Variants in NSRP1 observed in about 807,000 individuals in gnomAD.
NSRP1 encodes nuclear speckle splicing regulatory protein 1, also known as coiled-coil domain containing 55.
A neutral mutation model predicts 54.7 loss-of-function variants in NSRP1; 24 were observed. The ratio of observed to expected loss-of-function variants is 0.44; its 90% CI spans 0.32 to 0.62. NSRP1 has a LOEUF of 0.62. Among genes scored for constraint, NSRP1 ranks in the 20% least tolerant of loss-of-function variants. The probability of loss-of-function intolerance (pLI) is 0.06; values close to 1 mark genes in which losing one functional copy is unlikely to be tolerated. For synonymous variants in NSRP1, 210 were observed against 213.8 expected, an observed-to-expected ratio of 0.98 and a Z score of 0.15; for missense variants, 596 against 651.2, an observed-to-expected ratio of 0.92 and a Z score of 0.92.
intron 3 of NSRP1, among the ~76,000 whole-genome samples, chr17:30,175,581 C>T (rs903300405): frequency 6.6e-6 from 1 of 151,966 alleles, no homozygotes; most frequent in Non-Finnish European, 1.5e-5. Flanking sequence ...TTCAGGTGTG[C>T]ATCACCACAC....
At chr17:30,136,664 CTG>C (rs1204048467) in intron 2 of NSRP1, among the ~76,000 whole-genome samples, 2 of 152,000 alleles carry the variant, frequency 1.3e-5, no homozygotes, top group Admixed American at 1.3e-4. Context: ...TATGAAGAAT[CTG>C]TGTTTTAGAA....
intron 2 of NSRP1, among the ~76,000 whole-genome samples, chr17:30,140,433 G>A (rs2151887194): frequency 6.7e-6 from 1 of 149,934 alleles, no homozygotes; most frequent in South Asian, 2.1e-4. Context: ...ACAGTTAACA[G>A]AAATTTTGTT....
At chr17:30,184,391 C>G (rs1242141233) in intron 6 of NSRP1, among the ~76,000 whole-genome samples, 1 of 152,194 alleles carries the variant, frequency 6.6e-6, no homozygotes, top group Non-Finnish European at 1.5e-5. Flanking sequence ...CTAATTTTCT[C>G]TTTTCACTTC....
At position 30,186,212 on chromosome 17, in the gene NSRP1, G is replaced by A. The variant is rs1905533278; in HGVS notation, c.*538G>A. 1 of 152,170 alleles carries A rather than the reference G, an allele frequency of 6.6e-6. No individual in the cohort carries two copies. The highest frequency in any genetic ancestry group is 6.5e-5 in the Admixed American group (1 of 15,278). The allele number at this position is 152,170 out of a possible 1,614,324, so 9.4% of individuals were successfully genotyped here. Reference sequence around the variant, plus strand: ...CCTAGGAATTTGATGTTACAGTGAGGTATGATCATGCCACTGCACTCCAAC... The same window carrying A: ...CCTAGGAATTTGATGTTACAGTGAGATATGATCATGCCACTGCACTCCAAC... On this transcript the variant is annotated 3_prime_UTR_variant, in exon 7 of 7. Transcript: ENST00000247026.
chr17:30,180,197 C>A (rs1192057643), intron 5 of NSRP1, among the ~76,000 whole-genome samples: 1 of 152,132 alleles, frequency 6.6e-6, no homozygotes, highest in African/African-American at 2.4e-5. Context: ...CGCTGTGTCG[C>A]CCAGGCTGGA....
At chr17:30,162,532 C>T (rs547569768) in intron 2 of NSRP1, among the ~76,000 whole-genome samples, 20 of 152,088 alleles carry the variant, frequency 1.3e-4, no homozygotes, top group African/African-American at 3.4e-4. Context: ...TAAAAAAGAA[C>T]AGGAAGTTCT....
chr17:30,139,240 G>A (rs944564495), intron 2 of NSRP1, among the ~76,000 whole-genome samples: 3 of 151,868 alleles, frequency 2.0e-5, no homozygotes, highest in Non-Finnish European at 4.4e-5. Flanking sequence ...TTTTAATCCG[G>A]GTTTTTGTTT....
chr17:30,150,333 C>G (rs1459419106), intron 2 of NSRP1: 1 of 151,848 alleles, frequency 6.6e-6, no homozygotes, highest in African/African-American at 2.4e-5. Context: ...CCTGCCTTGG[C>G]CTCCCAAAGT....
chr17:30,180,064 T>G (rs987305960), intron 5 of NSRP1, among the ~76,000 whole-genome samples: 1 of 152,170 alleles, frequency 6.6e-6, no homozygotes, highest in African/African-American at 2.4e-5. Flanking sequence ...CTCGAACTCC[T>G]GGGCTCAAGC....
chr17:30,163,190 TGTGTGTGTGTGTGTGTG>T (rs1904591693), intron 2 of NSRP1: 1 of 2,404 alleles, frequency 4.2e-4, no homozygotes, highest in Non-Finnish European at 1.1e-3. Context: ...CGGCTAATTT[TGTGTGTGTGTGTGTGTG>T]TGTGTGTGTG....
chr17:30,163,158 T>A (rs1409651022), intron 2 of NSRP1: 1 of 151,760 alleles, frequency 6.6e-6, no homozygotes, highest in Non-Finnish European at 1.5e-5. Flanking sequence ...GCGCTGGGAT[T>A]ACAGGCATGT....
intron 2 of NSRP1, among the ~76,000 whole-genome samples, chr17:30,125,386 T>C (rs1387538068): frequency 6.6e-6 from 1 of 152,344 alleles, no homozygotes; most frequent in African/African-American, 2.4e-5. Flanking sequence ...AGCCAATTTA[T>C]CTGTTCTTTT....
At chr17:30,144,246 T>G (rs2071831766) in intron 2 of NSRP1, 3 of 148,126 alleles carry the variant, frequency 2.0e-5, no homozygotes, top group Non-Finnish European at 1.5e-5. Flanking sequence ...GCATGTAAGA[T>G]TATTATTATT....
chr17:30,118,062 CA>C lies in NSRP1; in HGVS notation c.21-10del, dbSNP rs760510241. 1.9e-4 allele frequency: 297 copies of C among 1,583,550 alleles called. 1 individual carries two copies. The highest frequency in any genetic ancestry group is 3.3e-4 in the Middle Eastern group (2 of 5,982). ...AAACATAAAGGTTTAATTTCTATTT[CA>C]AAAAAAATATATGCAGGTATGGGCT... is the stretch of plus-strand genomic sequence containing the variant. On this transcript the variant is annotated splice_polypyrimidine_tract_variant and intron_variant, in intron 1 of 6. Coordinates refer to ENST00000247026, the MANE Select transcript of NSRP1 (RefSeq NM_032141.4).
At chr17:30,131,756 C>G (rs1361268584) in intron 2 of NSRP1, among the ~76,000 whole-genome samples, 5 of 151,994 alleles carry the variant, frequency 3.3e-5, no homozygotes, top group Non-Finnish European at 7.4e-5. Context: ...CATTGATCGA[C>G]TCTTCCTTTA....
rs191750203 is a variant in NSRP1 at position 30,120,320 on chromosome 17, A to C, written c.114+2147A>C. The stretch of plus-strand genomic sequence containing the variant: ...ATAAAATATTAGAATAATTGACCAT[A>C]AGAAATGAATCAAGGTTACTAGTTA... On this transcript the variant is annotated intron_variant, in intron 2 of 6. Transcript: ENST00000247026. 7.2e-4 allele frequency among the ~76,000 whole-genome samples: 110 copies of C among 152,320 alleles called. No homozygotes were observed. In the East Asian group the frequency reaches 0.018, roughly 25 times the overall value.
intron 2 of NSRP1, among the ~76,000 whole-genome samples, chr17:30,157,452 G>T (rs533830897): frequency 6.6e-6 from 1 of 152,054 alleles, no homozygotes; most frequent in African/African-American, 2.4e-5. Flanking sequence ...TTATATGTTG[G>T]TATCATTTCA....
At chr17:30,183,503 C>T (rs1486166087) in intron 6 of NSRP1, among the ~76,000 whole-genome samples, 2 of 152,140 alleles carry the variant, frequency 1.3e-5, no homozygotes, top group African/African-American at 2.4e-5. Flanking sequence ...TCTGTAATGT[C>T]GTTGACATAG....
At chr17:30,122,984 T>C (rs751528979) in intron 2 of NSRP1, among the ~76,000 whole-genome samples, 10 of 151,886 alleles carry the variant, frequency 6.6e-5, no homozygotes, top group Admixed American at 3.9e-4. Flanking sequence ...GGGGTCTCAC[T>C]ATATTGGCCA....
Sources: gnomAD v4.1 joint callset for allele counts (sites outside exome capture counted in the v4.1 genomes callset) on GRCh38, gnomAD v4.1.1 for gene constraint, MANE v1.5 for transcripts, NCBI Gene and HGNC (gene_info 2026-07-23, HGNC 2026-07-21) for gene names.